Variants in CDKAL1 observed in about 807,000 individuals in gnomAD.
The protein encoded by CDKAL1 is threonylcarbamoyladenosine tRNA methylthiotransferase.
A neutral mutation model predicts 68.2 loss-of-function variants in CDKAL1; 32 were observed. That is an observed-to-expected ratio of 0.47 (90% confidence interval 0.35 to 0.63). The LOEUF (loss-of-function observed/expected upper bound fraction) is 0.63, where lower values mean the gene tolerates loss of function less well. Ranked by LOEUF, CDKAL1 falls within the 30% of genes least tolerant of loss-of-function variation. The probability of loss-of-function intolerance (pLI) is 0.00; values close to 1 mark genes in which losing one functional copy is unlikely to be tolerated. For missense variants in CDKAL1, 606 were observed against 696.7 expected (o/e 0.87, Z 1.47); for synonymous variants, 234 against 244.3 (o/e 0.96, Z 0.39).
intron 5 of CDKAL1, among the ~76,000 whole-genome samples, chr6:20,722,829 GGA>G (rs796727341): frequency 2.0e-5 from 3 of 151,952 alleles, no homozygotes; most frequent in Non-Finnish European, 4.4e-5. Flanking sequence ...GACTCAGTTG[GGA>G]GAGAGAGGAG....
chr6:20,864,329 T>G (rs1361993755), intron 9 of CDKAL1, among the ~76,000 whole-genome samples: 1 of 139,926 alleles, frequency 7.1e-6, no homozygotes, highest in Non-Finnish European at 1.6e-5. Flanking sequence ...TAGCTTACTT[T>G]GAGTTAATAC....
intron 2 of CDKAL1, 49 bp from the exon 3 acceptor site, chr6:20,546,297 C>A: frequency 7.1e-7 from 1 of 1,403,124 alleles, no homozygotes; most frequent in Non-Finnish European, 9.9e-7. Flanking sequence ...TGATGCTACG[C>A]TAAGCAGATT....
intron 9 of CDKAL1, among the ~76,000 whole-genome samples, chr6:20,859,760 G>T (rs765007518): frequency 6.6e-6 from 1 of 152,180 alleles, no homozygotes; most frequent in Non-Finnish European, 1.5e-5. Context: ...AGAGGAATAC[G>T]GTTCAACTTT....
chr6:20,607,984 T>C (rs4712517), intron 4 of CDKAL1, among the ~76,000 whole-genome samples: 121,600 of 152,160 alleles, frequency 0.8, 48,846 homozygotes, highest in Middle Eastern at 0.91. Context: ...CATGAGCCAC[T>C]GCACCCAGCC....
At chr6:21,118,360 C>G (rs1021980996) in intron 13 of CDKAL1, among the ~76,000 whole-genome samples, 3 of 152,186 alleles carry the variant, frequency 2.0e-5, no homozygotes, top group Admixed American at 6.5e-5. Context: ...TGGGCTGATG[C>G]TGTTTGCAGA....
intron 9 of CDKAL1, among the ~76,000 whole-genome samples, chr6:20,948,330 C>A (rs1185521976): frequency 6.6e-6 from 1 of 152,018 alleles, no homozygotes; most frequent in Non-Finnish European, 1.5e-5. Context: ...AAGGGAAAGA[C>A]CTTTAGGACC....
chr6:20,645,745 TAAATAAATAA>T (rs1182742517), intron 4 of CDKAL1, among the ~76,000 whole-genome samples: 4 of 145,110 alleles, frequency 2.8e-5, no homozygotes, highest in East Asian at 4.0e-4. Flanking sequence ...AATAAATAAA[TAAATAAATAA>T]AAATAAATAA....
intron 9 of CDKAL1, among the ~76,000 whole-genome samples, chr6:20,894,185 C>T (rs150001431): frequency 3.0e-4 from 43 of 145,390 alleles, no homozygotes; most frequent in Non-Finnish European, 5.6e-4. Flanking sequence ...TCTAGGTCAG[C>T]ATATTATTGA....
At chr6:21,032,319 G>C (rs1381346148) in intron 11 of CDKAL1, among the ~76,000 whole-genome samples, 1 of 151,930 alleles carries the variant, frequency 6.6e-6, no homozygotes, top group Non-Finnish European at 1.5e-5. Context: ...CAAACTCCTG[G>C]GCTTGAGAGA....
intron 11 of CDKAL1, among the ~76,000 whole-genome samples, chr6:21,064,104 A>C (rs1771287913): frequency 6.6e-6 from 1 of 152,222 alleles, no homozygotes; most frequent in Non-Finnish European, 1.5e-5. Context: ...GAACAATGCA[A>C]AATTTGTATG....
chr6:20,551,145 G>A (rs768001758), intron 4 of CDKAL1, among the ~76,000 whole-genome samples: 1 of 152,010 alleles, frequency 6.6e-6, no homozygotes, highest in Non-Finnish European at 1.5e-5. Flanking sequence ...GATTACAGGC[G>A]TGAGCCACTG....
chr6:20,835,657 C>T (rs775200962), intron 8 of CDKAL1, among the ~76,000 whole-genome samples: 1 of 152,108 alleles, frequency 6.6e-6, no homozygotes, highest in Non-Finnish European at 1.5e-5. Flanking sequence ...AAGTGATTCT[C>T]CTGCCTCATC....
At chr6:20,922,216 A>G (rs1762988578) in intron 9 of CDKAL1, among the ~76,000 whole-genome samples, 1 of 152,242 alleles carries the variant, frequency 6.6e-6, no homozygotes, top group Non-Finnish European at 1.5e-5. Flanking sequence ...CCCCATCAGC[A>G]TTCAGAGGGT....
At chr6:20,561,299 G>A (rs1055060954) in intron 4 of CDKAL1, among the ~76,000 whole-genome samples, 5 of 151,858 alleles carry the variant, frequency 3.3e-5, no homozygotes, top group African/African-American at 4.8e-5. Context: ...AAAATTAGCT[G>A]GGCTTGGTGG....
At chr6:21,164,332 A>T (rs149341690) in intron 13 of CDKAL1, among the ~76,000 whole-genome samples, 1,708 of 152,052 alleles carry the variant, frequency 0.011, 21 homozygotes, top group Middle Eastern at 0.02. Context: ...TAGCATTTAG[A>T]ATCTCAAAAA....
At chr6:20,984,577 G>A (rs1016628271) in intron 10 of CDKAL1, among the ~76,000 whole-genome samples, 2 of 152,174 alleles carry the variant, frequency 1.3e-5, no homozygotes, top group African/African-American at 4.8e-5. Flanking sequence ...TTGCATGATC[G>A]AATTAGAGAT....
chr6:20,737,540 A>C (rs1773251756), intron 5 of CDKAL1, among the ~76,000 whole-genome samples: 2 of 151,394 alleles, frequency 1.3e-5, no homozygotes, highest in South Asian at 4.2e-4. Flanking sequence ...TCTAGGTGTT[A>C]TAATGAAAGT....
At chr6:20,907,816 C>T (rs918849033) in intron 9 of CDKAL1, among the ~76,000 whole-genome samples, 6 of 152,138 alleles carry the variant, frequency 3.9e-5, no homozygotes, top group Admixed American at 3.3e-4. Context: ...CCTTGGGGAG[C>T]ATGCCTCTGT....
At chr6:20,922,976 G>A (rs541787795) in intron 9 of CDKAL1, among the ~76,000 whole-genome samples, 10 of 152,282 alleles carry the variant, frequency 6.6e-5, no homozygotes, top group Non-Finnish European at 1.3e-4. Flanking sequence ...AGGAGGGATG[G>A]TATTTGACTC....
Sources: allele counts gnomAD v4.1 joint callset (sites outside exome capture counted in the v4.1 genomes callset), GRCh38; gene constraint gnomAD v4.1.1; transcripts MANE v1.5; gene names NCBI Gene and HGNC (gene_info 2026-07-23, HGNC 2026-07-21).